The following LNPEP variants were observed in gnomAD, a reference collection of about 807,000 sequenced individuals.
LNPEP encodes the protein leucyl-cystinyl aminopeptidase.
In LNPEP, 64 loss-of-function variants were observed where a neutral mutation model predicts 120.6. The observed-to-expected ratio is 0.53, with a 90% CI of 0.43 to 0.65. The LOEUF is 0.65. Among genes scored for constraint, LNPEP ranks in the 30% least tolerant of loss-of-function variants. The probability of loss-of-function intolerance (pLI) is 0.00; values close to 1 mark genes in which losing one functional copy is unlikely to be tolerated. For missense variants in LNPEP, 1,057 were observed against 1,200.0 expected (o/e 0.88, Z 1.76); for synonymous variants, 435 against 425.4 (o/e 1.02, Z -0.28).
intron 1 of LNPEP, chr5:96,958,469 T>G (rs1388652765): frequency 2.0e-6 from 2 of 984,560 alleles, no homozygotes; most frequent in Non-Finnish European, 2.4e-6. Flanking sequence ...CTCCACTAAG[T>G]ACAGAAGTGG....
intron 8 of LNPEP, among the ~76,000 whole-genome samples, chr5:97,002,477 CAAGT>C (rs559260462): frequency 6.6e-6 from 1 of 152,050 alleles, no homozygotes; most frequent in South Asian, 2.1e-4. Flanking sequence ...ATTTATAGAA[CAAGT>C]AATAGCTATG....
intron 8 of LNPEP, among the ~76,000 whole-genome samples, chr5:97,001,458 T>C (rs577421987): frequency 4.6e-5 from 7 of 152,270 alleles, no homozygotes; most frequent in African/African-American, 9.6e-5. Context: ...CTATGAGATA[T>C]GGATTAGATA....
intron 13 of LNPEP, among the ~76,000 whole-genome samples, chr5:97,017,655 G>A (rs1214249178): frequency 5.9e-5 from 9 of 152,024 alleles, no homozygotes; most frequent in African/African-American, 1.7e-4. Context: ...TTATCCCCAG[G>A]ACCAGTATAT....
At chr5:97,018,914 A>G (rs1791124862) in intron 13 of LNPEP, among the ~76,000 whole-genome samples, 1 of 152,208 alleles carries the variant, frequency 6.6e-6, no homozygotes, top group Admixed American at 6.5e-5. Flanking sequence ...ATCTGATGTT[A>G]ACATCTGATC....
At chr5:97,016,635 T>G (rs1791075191) in intron 13 of LNPEP, among the ~76,000 whole-genome samples, 1 of 152,320 alleles carries the variant, frequency 6.6e-6, no homozygotes, top group East Asian at 1.9e-4. Flanking sequence ...TCTTGTCATA[T>G]TCTTTTGAAA....
chr5:96,943,207 AT>A (rs1789101705), intron 1 of LNPEP: 1 of 330,236 alleles, frequency 3.0e-6, no homozygotes, highest in South Asian at 7.2e-5. Flanking sequence ...ATTTTAATAA[AT>A]GATTACCAGT....
chr5:97,003,787 T>G (rs1462143641), intron 9 of LNPEP, among the ~76,000 whole-genome samples: 3 of 152,000 alleles, frequency 2.0e-5, no homozygotes, highest in Admixed American at 6.6e-5. Flanking sequence ...GCCAGTTGTT[T>G]TTTTTTTTCC....
intron 8 of LNPEP, among the ~76,000 whole-genome samples, chr5:96,998,468 G>C (rs1243763915): frequency 6.6e-6 from 1 of 152,112 alleles, no homozygotes; most frequent in Non-Finnish European, 1.5e-5. Context: ...TAAGCTCTTG[G>C]CTGTGTTACT....
chr5:97,007,752 G>A (rs1446248471), intron 11 of LNPEP, among the ~76,000 whole-genome samples: 1 of 152,026 alleles, frequency 6.6e-6, no homozygotes, highest in Non-Finnish European at 1.5e-5. Flanking sequence ...ACCATTTGTT[G>A]TTATAAAATA....
chr5:97,015,124 C>T (rs1312721065), intron 13 of LNPEP, 29 bp downstream of exon 13: 39 of 1,480,700 alleles, frequency 2.6e-5, no homozygotes, highest in Non-Finnish European at 3.5e-5. Flanking sequence ...CAGCTTCTTG[C>T]TGTTTATCTT....
intron 9 of LNPEP, 110 bp from the exon 10 acceptor site, chr5:97,005,963 A>C (rs1790770323): frequency 3.8e-6 from 1 of 262,778 alleles, no homozygotes; most frequent in Non-Finnish European, 7.1e-6. Flanking sequence ...TAGTCTTTAT[A>C]GATGGTAGGA....
In LNPEP at chr5:97,033,560, A is replaced by G. The variant is rs1243529340; in HGVS notation, c.*5027A>G. On this transcript the variant is annotated 3_prime_UTR_variant, in exon 18 of 18. Coordinates refer to ENST00000231368, the MANE Select transcript of LNPEP (RefSeq NM_005575.3). ...CAAGGTAAGAGTATATACTTTAAAC[A>G]TGTATATAAATGTTTTTGCTACTTT... The G allele has an allele frequency of 1.3e-5, 2 of 152,182 alleles. No individual in the cohort carries two copies. Among genetic ancestry groups the G allele is most frequent in the Non-Finnish European group, 2.9e-5 (2 of 68,032 alleles). 9.4% of individuals were successfully genotyped at this position (152,182 alleles called of 1,614,324 possible). A position where few individuals can be genotyped will look rare whatever the true frequency, so the allele number is the denominator to read the frequency against.
intron 1 of LNPEP, among the ~76,000 whole-genome samples, chr5:96,957,976 T>A (rs1789509984): frequency 6.6e-6 from 1 of 152,244 alleles, no homozygotes; most frequent in African/African-American, 2.4e-5. Context: ...CCTCTGGGAT[T>A]TCCCCCATGC....
chr5:96,942,675 G>T (rs1243276497), intron 1 of LNPEP, among the ~76,000 whole-genome samples: 3 of 134,024 alleles, frequency 2.2e-5, no homozygotes, highest in Non-Finnish European at 3.2e-5. Flanking sequence ...AAAAAAATAC[G>T]AGAACACTTG....
intron 11 of LNPEP, among the ~76,000 whole-genome samples, chr5:97,007,268 G>A (rs1439501439): frequency 1.3e-5 from 2 of 152,010 alleles, no homozygotes; most frequent in Non-Finnish European, 2.9e-5. Flanking sequence ...ATATTTTTGA[G>A]GGGTGAGTGT....
intron 1 of LNPEP, chr5:96,962,792 CTCTTTAT>C (rs1258546376): frequency 6.6e-6 from 1 of 152,106 alleles, no homozygotes; most frequent in Non-Finnish European, 1.5e-5. Context: ...GCTGTGCCGT[CTCTTTAT>C]TGCTTAGCTG....
chr5:96,980,214 A>T lies in LNPEP; in HGVS notation c.860+236A>T, dbSNP rs1790092833. On this transcript the variant is annotated intron_variant, in intron 2 of 17. Coordinates refer to ENST00000231368, the MANE Select transcript of LNPEP (RefSeq NM_005575.3). ...TGCTGGTGGAAAAGGATGGATAAAG[A>T]TTATATCCAAAACTTGTTATCTTGA... Among the ~76,000 whole-genome samples the T allele has an allele frequency of 2.6e-5, 4 of 152,296 alleles. No individual in the cohort carries two copies. In the South Asian group the frequency reaches 8.3e-4, roughly 32 times the overall value.
chr5:96,954,766 A>ATTTT lies in LNPEP; in HGVS notation c.19+18593_19+18594insTTTT, dbSNP rs1561430227. On this transcript the variant is annotated intron_variant, in intron 1 of 17. Transcript: ENST00000231368. The stretch of plus-strand genomic sequence containing the variant: ...TATATACACATATATATATATATAT[A>ATTTT]TATATATTTTTTTTTTTTTTTTTTT... 9.8e-5 allele frequency among the ~76,000 whole-genome samples: 4 copies of ATTTT among 40,956 alleles called. 2 individuals are homozygous for ATTTT. Among genetic ancestry groups the ATTTT allele is most frequent in the Non-Finnish European group, 2.1e-4 (4 of 19,316 alleles). The allele number at this position is 40,956 out of a possible 152,430, so 26.9% of individuals were successfully genotyped here.
At chr5:97,004,498 C>G (rs2112643775) in intron 9 of LNPEP, among the ~76,000 whole-genome samples, 1 of 150,664 alleles carries the variant, frequency 6.6e-6, no homozygotes. Flanking sequence ...GGTGACAGAG[C>G]CAGACTCTGT....
Sources: allele counts gnomAD v4.1 joint callset (sites outside exome capture counted in the v4.1 genomes callset), GRCh38; gene constraint gnomAD v4.1.1; transcripts MANE v1.5; gene names NCBI Gene and HGNC (gene_info 2026-07-23, HGNC 2026-07-21).